The following RPS6KC1 variants were observed in gnomAD, a reference collection of about 807,000 sequenced individuals.
RPS6KC1 encodes the protein inactive ribosomal protein S6 kinase delta-1.
A neutral mutation model predicts 103.8 loss-of-function variants in RPS6KC1; 54 were observed. The ratio of observed to expected loss-of-function variants is 0.52; its 90% CI spans 0.42 to 0.65. The LOEUF (loss-of-function observed/expected upper bound fraction) is 0.65, where lower values mean the gene tolerates loss of function less well. Ranked by LOEUF, RPS6KC1 falls within the 30% of genes least tolerant of loss-of-function variation. The probability of loss-of-function intolerance (pLI) is 0.00; values close to 1 mark genes in which losing one functional copy is unlikely to be tolerated. For synonymous variants in RPS6KC1, 439 were observed against 438.7 expected (o/e 1.00, Z -0.01); for missense variants, 1,151 against 1,253.8 (o/e 0.92, Z 1.24).
intron 6 of RPS6KC1, among the ~76,000 whole-genome samples, chr1:213,150,859 A>C (rs1247599775): frequency 6.6e-6 from 1 of 152,090 alleles, no homozygotes; most frequent in African/African-American, 2.4e-5. Context: ...GTGGCCGGGC[A>C]GAGGGGCTCC....
chr1:213,209,509 A>T lies in RPS6KC1; in HGVS notation c.1045-20988A>T, dbSNP rs181249543. 5.6e-3 allele frequency among the ~76,000 whole-genome samples: 854 copies of T among 152,188 alleles called. 9 individuals carry two copies. Among genetic ancestry groups the T allele is most frequent in the African/African-American group, 0.017 (714 of 41,510 alleles). On this transcript the variant is annotated intron_variant, in intron 8 of 14. Coordinates refer to ENST00000366960, the MANE Select transcript of RPS6KC1 (RefSeq NM_012424.6). ...TCAGGAGTTCAAGACCAGCCTGGCCAACATGGTGAAACTCCATTTCTACTA... is the reference window on the plus strand; with the variant it reads ...TCAGGAGTTCAAGACCAGCCTGGCCTACATGGTGAAACTCCATTTCTACTA...
At chr1:213,161,607 C>A (rs917995888) in intron 6 of RPS6KC1, among the ~76,000 whole-genome samples, 1 of 152,208 alleles carries the variant, frequency 6.6e-6, no homozygotes, top group Non-Finnish European at 1.5e-5. Flanking sequence ...AGGTGTGACC[C>A]ACTGCACCTG....
At chr1:213,689,537 C>A in the RPS6KC1 span, among the ~76,000 whole-genome samples, 3 of 152,358 alleles carry the variant, frequency 2.0e-5, no homozygotes, top group Non-Finnish European at 4.4e-5. Flanking sequence ...TGTTCTCACA[C>A]TGGGCCACGT....
the RPS6KC1 span, among the ~76,000 whole-genome samples, chr1:213,330,196 C>T: frequency 3.9e-5 from 6 of 152,340 alleles, no homozygotes; most frequent in Non-Finnish European, 5.9e-5. Flanking sequence ...ATCTGTGATA[C>T]GGACTTGGGA....
chr1:213,162,641 A>G (rs571442194), intron 6 of RPS6KC1, among the ~76,000 whole-genome samples: 1 of 152,362 alleles, frequency 6.6e-6, no homozygotes, highest in African/African-American at 2.4e-5. Flanking sequence ...AAAATTGCAT[A>G]ACAAGGAAAA....
intron 11 of RPS6KC1, 132 bp downstream of exon 11, chr1:213,242,429 C>A: frequency 8.8e-7 from 1 of 1,141,074 alleles, no homozygotes; most frequent in Non-Finnish European, 1.3e-6. Flanking sequence ...AAATTCACCC[C>A]CAGTAATAGC....
the RPS6KC1 span, among the ~76,000 whole-genome samples, chr1:213,653,416 G>C: frequency 6.6e-6 from 1 of 151,910 alleles, no homozygotes; most frequent in African/African-American, 2.4e-5. Flanking sequence ...CCGTGATCAT[G>C]CCACTGCACT....
Position 213,106,204 on chromosome 1 carries a change from T to C in RPS6KC1, c.378+1635T>C, listed in dbSNP as rs915838474. 7.0e-4 allele frequency among the ~76,000 whole-genome samples: 106 copies of C among 151,938 alleles called. 9 individuals are homozygous for C. The highest frequency in any genetic ancestry group is 4.4e-5 in the Non-Finnish European group (3 of 67,968). On this transcript the variant is annotated intron_variant, in intron 4 of 14. Transcript: ENST00000366960. ...TACTGATTTGGGAATATCAGAGCAGTGGTATTCAGTCATTATCTCTATTTA... is the reference window on the plus strand; with the variant it reads ...TACTGATTTGGGAATATCAGAGCAGCGGTATTCAGTCATTATCTCTATTTA...
the RPS6KC1 span, among the ~76,000 whole-genome samples, chr1:213,338,189 A>G: frequency 1.3e-5 from 2 of 152,208 alleles, no homozygotes; most frequent in East Asian, 3.8e-4. Flanking sequence ...TTGCTTTCAC[A>G]TTGATCCTCA....
the RPS6KC1 span, among the ~76,000 whole-genome samples, chr1:213,708,350 G>T: frequency 5.9e-5 from 9 of 152,172 alleles, no homozygotes; most frequent in East Asian, 1.7e-3. Context: ...TCTATTATTG[G>T]TGTATAGAAA....
intron 6 of RPS6KC1, among the ~76,000 whole-genome samples, chr1:213,165,701 G>A (rs528823637): frequency 2.0e-5 from 3 of 152,144 alleles, no homozygotes; most frequent in Non-Finnish European, 4.4e-5. Context: ...GGGATTACAG[G>A]CGTGAGCCAC....
At chr1:213,514,631 G>A in the RPS6KC1 span, among the ~76,000 whole-genome samples, 1 of 152,008 alleles carries the variant, frequency 6.6e-6, no homozygotes, top group African/African-American at 2.4e-5. Flanking sequence ...GTCTATCGTT[G>A]TTGGACATTT....
chr1:213,229,874 G>C lies in RPS6KC1; in HGVS notation c.1045-623G>C, dbSNP rs184944896. 2.2e-4 allele frequency among the ~76,000 whole-genome samples: 33 copies of C among 152,302 alleles called. No homozygotes were observed. In the East Asian group the frequency reaches 5.2e-3, roughly 24 times the overall value. On this transcript the variant is annotated intron_variant, in intron 8 of 14. Transcript: ENST00000366960. ...AACAGGGCAGCAAAGATGGAAGCAGGGAGATCAGTTGGAACACTGTAGTTA... is the reference window on the plus strand; with the variant it reads ...AACAGGGCAGCAAAGATGGAAGCAGCGAGATCAGTTGGAACACTGTAGTTA...
chr1:213,397,905 G>C, the RPS6KC1 span, among the ~76,000 whole-genome samples: 1 of 152,200 alleles, frequency 6.6e-6, no homozygotes, highest in Admixed American at 6.5e-5. Flanking sequence ...TTTGCCGCTG[G>C]AGTGAATCTG....
chr1:213,440,406 T>C, the RPS6KC1 span, among the ~76,000 whole-genome samples: 1 of 152,028 alleles, frequency 6.6e-6, no homozygotes, highest in African/African-American at 2.4e-5. Context: ...TTTGAGAACT[T>C]TGTAACTCAC....
the RPS6KC1 span, among the ~76,000 whole-genome samples, chr1:213,850,635 T>C: frequency 3.9e-5 from 6 of 152,328 alleles, no homozygotes; most frequent in Non-Finnish European, 7.4e-5. Context: ...AGCATTACAC[T>C]TAGGCTTAGA....
the RPS6KC1 span, among the ~76,000 whole-genome samples, chr1:213,475,228 A>G: frequency 6.6e-6 from 1 of 151,988 alleles, no homozygotes; most frequent in African/African-American, 2.4e-5. Context: ...CTTGGAGAAG[A>G]TTTTTGCCAT....
the RPS6KC1 span, among the ~76,000 whole-genome samples, chr1:213,531,643 G>T: frequency 6.6e-6 from 1 of 152,226 alleles, no homozygotes; most frequent in Non-Finnish European, 1.5e-5. Flanking sequence ...GAGCAAGGAA[G>T]CGGAAGCCTC....
the RPS6KC1 span, among the ~76,000 whole-genome samples, chr1:213,456,091 G>A: frequency 5.9e-5 from 9 of 152,238 alleles, no homozygotes; most frequent in East Asian, 1.9e-4. Flanking sequence ...AATGAGGAGC[G>A]AGGCTTTGTG....
Sources: allele counts gnomAD v4.1 joint callset (sites outside exome capture counted in the v4.1 genomes callset), GRCh38; gene constraint gnomAD v4.1.1; transcripts MANE v1.5; gene names NCBI Gene and HGNC (gene_info 2026-07-23, HGNC 2026-07-21).